Variants in PLEKHA6 observed in about 807,000 individuals in gnomAD.
PLEKHA6 encodes pleckstrin homology domain containing A6.
In PLEKHA6, 60 loss-of-function variants were observed where a neutral mutation model predicts 116.7. The observed-to-expected ratio is 0.51, with a 90% CI of 0.42 to 0.64. PLEKHA6 has a LOEUF of 0.64. Among genes scored for constraint, PLEKHA6 ranks in the 30% least tolerant of loss-of-function variants. The pLI, the probability that PLEKHA6 is intolerant of heterozygous loss-of-function variation, is 0.00. For missense variants in PLEKHA6, 1,338 were observed against 1,422.7 expected (o/e 0.94, Z 0.96); for synonymous variants, 489 against 556.1 (o/e 0.88, Z 1.70).
At chr1:204,241,959 G>C in intron 15 of PLEKHA6, 145 bp from the exon 16 acceptor site, 1 of 865,478 alleles carries the variant, frequency 1.2e-6, no homozygotes, top group Non-Finnish European at 1.9e-6. Flanking sequence ...TGCCGCCTGG[G>C]AGGCGGACAG....
rs1659834748 is a variant in PLEKHA6 at position 204,223,071 on chromosome 1, G to A, written c.*9-292C>T. On this transcript the variant is annotated intron_variant, in intron 22 of 22. Coordinates refer to ENST00000272203, the MANE Select transcript of PLEKHA6 (RefSeq NM_014935.5). This position sits in a 1 kb window ranked among gnomAD's most constrained non-coding sequence, Gnocchi z 4.8. ...GGGAGTGGAGAAACAGCTTCTGAGG[G>A]CTTCTGAAGGTTCTGCATCTGTGTA... 6.6e-6 allele frequency among the ~76,000 whole-genome samples: 1 copy of A among 152,148 alleles called. No individual in the cohort carries two copies. The highest frequency in any genetic ancestry group is 1.5e-5 in the Non-Finnish European group (1 of 68,032).
intron 1 of PLEKHA6, among the ~76,000 whole-genome samples, chr1:204,372,223 G>A (rs1195839464): frequency 6.6e-6 from 1 of 152,152 alleles, no homozygotes; most frequent in Non-Finnish European, 1.5e-5. Flanking sequence ...TCACAACCTA[G>A]ATCTGTCCCT....
upstream of PLEKHA6, among the ~76,000 whole-genome samples, chr1:204,361,046 G>T (rs996628478): frequency 2.0e-5 from 3 of 152,152 alleles, no homozygotes; most frequent in African/African-American, 4.8e-5. Flanking sequence ...CTCCAGGCAG[G>T]CTCGCTGGTC....
At chr1:204,349,821 G>A (rs558576971) in intron 1 of PLEKHA6, among the ~76,000 whole-genome samples, 16 of 152,356 alleles carry the variant, frequency 1.1e-4, no homozygotes, top group South Asian at 1.0e-3. Flanking sequence ...GCCTTAGTGC[G>A]CATGCTGTCT....
At chr1:204,263,492 C>G (rs1366228341) in intron 6 of PLEKHA6, among the ~76,000 whole-genome samples, 1 of 152,138 alleles carries the variant, frequency 6.6e-6, no homozygotes, top group Admixed American at 6.5e-5. Flanking sequence ...TAGCCACAAT[C>G]AGAACCCTTT....
intron 1 of PLEKHA6, among the ~76,000 whole-genome samples, chr1:204,310,084 A>T (rs1382081388): frequency 6.6e-6 from 1 of 151,914 alleles, no homozygotes; most frequent in Non-Finnish European, 1.5e-5. Context: ...GGTCACGCAA[A>T]ATTAGGTAGT....
chr1:204,234,059 G>A (rs528618004), intron 17 of PLEKHA6, among the ~76,000 whole-genome samples: 89 of 152,208 alleles, frequency 5.8e-4, no homozygotes, highest in Non-Finnish European at 1.1e-3. Flanking sequence ...ACCTGTGACT[G>A]TAAACTTATC....
At chr1:204,336,563 C>CGTGT (rs10538125) in intron 1 of PLEKHA6, among the ~76,000 whole-genome samples, 64 of 149,006 alleles carry the variant, frequency 4.3e-4, no homozygotes, top group African/African-American at 1.1e-3. Context: ...GGTGTGTGAG[C>CGTGT]GTGTGTGTGT....
intron 1 of PLEKHA6, among the ~76,000 whole-genome samples, chr1:204,308,707 T>TTTTTTTA (rs1383532518): frequency 4.1e-5 from 6 of 146,332 alleles, no homozygotes; most frequent in Non-Finnish European, 9.0e-5. Flanking sequence ...TTTTTTTTTT[T>TTTTTTTA]TGAGACAGAG....
chr1:204,345,454 T>C (rs1673005741), intron 1 of PLEKHA6, among the ~76,000 whole-genome samples: 1 of 151,970 alleles, frequency 6.6e-6, no homozygotes, highest in Admixed American at 6.6e-5. Context: ...CGAGGTTTCT[T>C]TCCACTGAGA....
chr1:204,367,826 G>A (rs1673691120), exon 3 of PLEKHA6: 1 of 152,238 alleles, frequency 6.6e-6, no homozygotes, highest in Non-Finnish European at 1.5e-5. Flanking sequence ...TCCTTCCTGG[G>A]TGGAATCCAC....
chr1:204,278,860 A>G (rs1179532553), intron 1 of PLEKHA6, among the ~76,000 whole-genome samples: 1 of 152,198 alleles, frequency 6.6e-6, no homozygotes, highest in Non-Finnish European at 1.5e-5. Context: ...TGTTGAATGA[A>G]TGAATAATAG....
At chr1:204,224,513 C>T (rs1475570531) in intron 21 of PLEKHA6, among the ~76,000 whole-genome samples, 1 of 151,788 alleles carries the variant, frequency 6.6e-6, no homozygotes, top group Non-Finnish European at 1.5e-5. Context: ...CTACCCTGGA[C>T]TTCATCACCT....
chr1:204,314,798 C>T (rs1212080618), intron 1 of PLEKHA6, among the ~76,000 whole-genome samples: 1 of 152,130 alleles, frequency 6.6e-6, no homozygotes, highest in African/African-American at 2.4e-5. Flanking sequence ...GTATGGATGC[C>T]CACAAGCTTT....
chr1:204,292,104 T>A (rs1669828505), intron 1 of PLEKHA6, among the ~76,000 whole-genome samples: 1 of 152,190 alleles, frequency 6.6e-6, no homozygotes, highest in African/African-American at 2.4e-5. Context: ...TGAATCCGCC[T>A]TTACTCTTCT....
chr1:204,267,037 AC>A (rs1184886369), intron 5 of PLEKHA6, among the ~76,000 whole-genome samples: 3 of 152,228 alleles, frequency 2.0e-5, no homozygotes, highest in Non-Finnish European at 4.4e-5. Flanking sequence ...AGTGACCAAC[AC>A]TGACAAAAGT....
chr1:204,220,941 G>GA lies in PLEKHA6; in HGVS notation c.*1846dup, dbSNP rs944424962. Reference sequence around the variant, plus strand: ...CAAAGTGGCAGGCATGGAAGGCCCTGAAAAATCTGTTTCCTGTGGAGGGAG... The same window carrying GA: ...CAAAGTGGCAGGCATGGAAGGCCCTGAAAAAATCTGTTTCCTGTGGAGGGAG... On this transcript the variant is annotated 3_prime_UTR_variant, in exon 23 of 23. Coordinates refer to ENST00000272203, the MANE Select transcript of PLEKHA6 (RefSeq NM_014935.5). 6.6e-6 allele frequency: 1 copy of GA among 151,860 alleles called. No individual in the cohort carries two copies. The highest frequency in any genetic ancestry group is 1.5e-5 in the Non-Finnish European group (1 of 67,934). The allele number at this position is 151,860 out of a possible 1,614,324, so 9.4% of individuals were successfully genotyped here.
At chr1:204,248,147 G>A (rs1048636330) in intron 12 of PLEKHA6, among the ~76,000 whole-genome samples, 1 of 143,604 alleles carries the variant, frequency 7.0e-6, no homozygotes, top group Admixed American at 7.4e-5. Context: ...AGTGACCAGG[G>A]CAGCAGCCTT....
chr1:204,330,084 A>C (rs1672393986), intron 1 of PLEKHA6, among the ~76,000 whole-genome samples: 1 of 152,210 alleles, frequency 6.6e-6, no homozygotes, highest in Non-Finnish European at 1.5e-5. Flanking sequence ...AGGACAGTTG[A>C]TTACATTAAG....
Sources: allele counts gnomAD v4.1 joint callset (sites outside exome capture counted in the v4.1 genomes callset), GRCh38; gene constraint gnomAD v4.1.1; non-coding constraint Gnocchi (gnomAD v3.1); transcripts MANE v1.5; gene names NCBI Gene and HGNC (gene_info 2026-07-23, HGNC 2026-07-21).